The following ANKRD42 variants were observed in gnomAD, a reference collection of about 807,000 sequenced individuals.
ANKRD42 encodes the protein ankyrin repeat domain 42.
In ANKRD42, 43 loss-of-function variants were observed where a neutral mutation model predicts 51.5. The ratio of observed to expected loss-of-function variants is 0.83; its 90% CI spans 0.65 to 1.08. ANKRD42 has a LOEUF of 1.08. Ranked by LOEUF, ANKRD42 falls within the 50% of genes least tolerant of loss-of-function variation. The pLI, the probability that ANKRD42 is intolerant of heterozygous loss-of-function variation, is 0.00. For missense variants in ANKRD42, 608 were observed against 629.3 expected (o/e 0.97, Z 0.36); for synonymous variants, 203 against 213.0 (o/e 0.95, Z 0.41).
chr11:83,194,556 C>G lies in ANKRD42; in HGVS notation c.-115C>G, dbSNP rs892752701. 1.5e-5 allele frequency: 15 copies of G among 1,006,494 alleles called. No homozygotes were observed. In the Admixed American group the frequency reaches 2.3e-4, roughly 15 times the overall value. The allele number at this position is 1,006,494 out of a possible 1,614,324, so 62.3% of individuals were successfully genotyped here. ...AGGACCTTGGGCCCCGTCCTAGTGA[C>G]GACGGAGAAGAGGGCCGCTGCCGCT... is the stretch of plus-strand genomic sequence containing the variant. On this transcript the variant is annotated 5_prime_UTR_variant, in exon 1 of 11. Transcript: ENST00000533342.
intron 3 of ANKRD42, chr11:83,209,652 C>CT: frequency 1.2e-6 from 1 of 803,046 alleles, no homozygotes; most frequent in South Asian, 1.4e-5. Flanking sequence ...TGGCAAGCTG[C>CT]TTTTCAGCCT....
chr11:83,211,415 A>G lies in ANKRD42; in HGVS notation c.571A>G (p.Asn191Asp), dbSNP rs145426555. 4.3e-6 allele frequency: 7 copies of G among 1,614,022 alleles called. No individual in the cohort carries two copies. Among genetic ancestry groups the G allele is most frequent in the Non-Finnish European group, 5.1e-6 (6 of 1,180,024 alleles). ...WGCSIEDVDY[N>D]GNLPVHLAAM... is the part of the protein sequence containing the mutation. ...TTGTAGCATAGAAGATGTGGACTAC[A>G]ATGGAAACCTTCCAGGTATTTTAAA... The change falls in exon 5 of 11, where the codon AAT becomes GAT. Residue 191 changes from asparagine to aspartate, a missense_variant. Transcript: ENST00000533342.
chr11:83,218,850 CT>C (rs1210650801), intron 5 of ANKRD42, among the ~76,000 whole-genome samples: 1 of 152,142 alleles, frequency 6.6e-6, no homozygotes, highest in Non-Finnish European at 1.5e-5. Flanking sequence ...CAAAGAAAGC[CT>C]GTACATAAGG....
rs1861740178 is a variant in ANKRD42 at position 83,198,354 on chromosome 11, C to T, written c.59-125C>T. 4 of 942,868 alleles carry T rather than the reference C, an allele frequency of 4.2e-6. No individual in the cohort carries two copies. In the East Asian group the frequency reaches 1.1e-4, roughly 25 times the overall value. 58.4% of individuals were successfully genotyped at this position (942,868 alleles called of 1,614,324 possible). ...GTCTGTTTAAGATATTAATGACAAA[C>T]ATCTTTGTAGTAAATTATTTGGAAA... On this transcript the variant is annotated intron_variant, in intron 1 of 10. Coordinates refer to ENST00000533342, the MANE Select transcript of ANKRD42 (RefSeq NM_001300975.2).
downstream of ANKRD42, among the ~76,000 whole-genome samples, chr11:83,252,985 T>G (rs934512845): frequency 2.6e-5 from 4 of 152,200 alleles, no homozygotes; most frequent in Non-Finnish European, 4.4e-5. Context: ...AGGAAGTCCT[T>G]GATCTACAGC....
intron 7 of ANKRD42, among the ~76,000 whole-genome samples, chr11:83,228,273 C>T (rs1862959471): frequency 1.2e-5 from 1 of 83,814 alleles, no homozygotes; most frequent in Non-Finnish European, 2.2e-5. Flanking sequence ...TTTTTTTAGA[C>T]CGGGTCTGGT....
intron 11 of ANKRD42, among the ~76,000 whole-genome samples, chr11:83,254,585 C>G (rs938869969): frequency 6.6e-5 from 10 of 152,054 alleles, no homozygotes; most frequent in Admixed American, 1.3e-4. Context: ...GTGTGCAGGA[C>G]AAGCCCAGCT....
In ANKRD42 at chr11:83,194,919, C is replaced by G. The variant is rs183274300; in HGVS notation, c.58+191C>G. On this transcript the variant is annotated intron_variant, in intron 1 of 10. Transcript: ENST00000533342. ...TTCTGTATTATTTCCGCTTTCTTTC[C>G]TTTTTTCCATCCACACTATTCCTCC... Among the ~76,000 whole-genome samples, 30 of 152,232 alleles carry G rather than the reference C, an allele frequency of 2.0e-4. No individual in the cohort carries two copies. In the East Asian group the frequency reaches 4.6e-3, roughly 24 times the overall value.
chr11:83,263,489 G>C (rs1053657929), downstream of ANKRD42, among the ~76,000 whole-genome samples: 4 of 152,162 alleles, frequency 2.6e-5, no homozygotes, highest in Admixed American at 6.5e-5. Flanking sequence ...GCTTAGGTGA[G>C]CATATGCCTG....
rs1416598712 is a variant in ANKRD42, at chr11:83,211,165, T to G, written c.451-130T>G. The G allele has an allele frequency of 3.4e-6, 4 of 1,181,744 alleles. No homozygotes were observed. In the African/African-American group the frequency reaches 4.6e-5, roughly 14 times the overall value. 73.2% of individuals were successfully genotyped at this position (1,181,744 alleles called of 1,614,324 possible). On this transcript the variant is annotated intron_variant, in intron 4 of 10. Transcript: ENST00000533342. ...TTCAAATTAGTGGTTGCAGTACATT[T>G]TTCTATTAAGTGTTTGCCTTCTTGT...
At chr11:83,244,974 G>A (rs1311544103) in intron 9 of ANKRD42, among the ~76,000 whole-genome samples, 2 of 151,746 alleles carry the variant, frequency 1.3e-5, no homozygotes, top group East Asian at 1.9e-4. Context: ...ATGTGGTCTC[G>A]GCTCACTGCA....
downstream of ANKRD42, among the ~76,000 whole-genome samples, chr11:83,252,520 G>A (rs1863692688): frequency 6.6e-6 from 1 of 152,180 alleles, no homozygotes. Context: ...CAATGAAAAT[G>A]TGTGAATTGC....
At chr11:83,238,322 G>A (rs1322983859) in intron 8 of ANKRD42, among the ~76,000 whole-genome samples, 5 of 152,352 alleles carry the variant, frequency 3.3e-5, no homozygotes, top group Non-Finnish European at 2.9e-5. Flanking sequence ...CTATGAGTAG[G>A]ATTGTTGGGC....
At chr11:83,225,078 C>A in intron 6 of ANKRD42, 23 bp downstream of exon 6, 1 of 1,560,344 alleles carries the variant, frequency 6.4e-7, no homozygotes, top group East Asian at 2.3e-5. Context: ...GTTATATGTT[C>A]TAGCATATAA....
In ANKRD42 at chr11:83,200,969, T is replaced by C. The variant is rs148963480; in HGVS notation, c.222+2327T>C. Among the ~76,000 whole-genome samples, 4 of 152,274 alleles carry C rather than the reference T, an allele frequency of 2.6e-5. No individual in the cohort carries two copies. In the East Asian group the frequency reaches 7.7e-4, roughly 29 times the overall value. On this transcript the variant is annotated intron_variant, in intron 2 of 10. Transcript: ENST00000533342. Reference sequence around the variant, plus strand: ...TCCATATTATCATAGGCTTTGCACATGCTGTTTCTTTTCTTTTCTTTTTTT... The same window carrying C: ...TCCATATTATCATAGGCTTTGCACACGCTGTTTCTTTTCTTTTCTTTTTTT...
chr11:83,250,424 A>G (rs1266165214), downstream of ANKRD42, among the ~76,000 whole-genome samples: 3 of 152,134 alleles, frequency 2.0e-5, no homozygotes, highest in African/African-American at 7.2e-5. Context: ...AATGATATAT[A>G]TATTTTTGAT....
At chr11:83,259,078 G>A (rs1401112923), downstream of ANKRD42, 1 of 152,108 alleles carries the variant, frequency 6.6e-6, no homozygotes, top group Admixed American at 6.6e-5. Context: ...TAAAAAGTTT[G>A]GATTAAGGTC....
intron 7 of ANKRD42, among the ~76,000 whole-genome samples, chr11:83,233,203 C>T (rs774982644): frequency 1.1e-4 from 16 of 146,502 alleles, no homozygotes; most frequent in East Asian, 2.0e-4. Context: ...ATGAAGCCAT[C>T]GGGTCTGGGG....
chr11:83,210,232 A>G, intron 3 of ANKRD42, 68 bp from the exon 4 acceptor site: 1 of 1,498,962 alleles, frequency 6.7e-7, no homozygotes, highest in Non-Finnish European at 9.2e-7. Context: ...CCTTTGTATA[A>G]TCTGCATCTG....
Sources: allele counts gnomAD v4.1 joint callset (sites outside exome capture counted in the v4.1 genomes callset), GRCh38; gene constraint gnomAD v4.1.1; transcripts MANE v1.5; gene names NCBI Gene and HGNC (gene_info 2026-07-23, HGNC 2026-07-21).